The following BICD1 variants were observed in gnomAD, a reference collection of about 807,000 sequenced individuals.
BICD1 encodes BICD cargo adaptor 1.
Under a neutral mutation model 92.5 loss-of-function variants are expected in BICD1, and 35 were observed. The observed-to-expected ratio is 0.38, with a 90% CI of 0.29 to 0.50. The LOEUF (loss-of-function observed/expected upper bound fraction) is 0.50. BICD1 is among the 20% of genes least tolerant of loss of function. BICD1 has a pLI of 0.93. For missense variants in BICD1, 950 were observed against 1,189.8 expected (o/e 0.80, Z 2.97); for synonymous variants, 429 against 465.1 (o/e 0.92, Z 1.00).
chr12:32,136,232 T>C (rs1339375026), intron 1 of BICD1, among the ~76,000 whole-genome samples: 4 of 152,226 alleles, frequency 2.6e-5, no homozygotes, highest in African/African-American at 7.2e-5. Flanking sequence ...TTTTCTTTTT[T>C]GAAGGTAGGG....
At chr12:32,233,279 G>T (rs1483439325) in intron 2 of BICD1, among the ~76,000 whole-genome samples, 1 of 139,956 alleles carries the variant, frequency 7.1e-6, no homozygotes, top group Non-Finnish European at 1.5e-5. Context: ...CTGAGATTGT[G>T]CCATTGCACT....
At chr12:32,325,803 G>A (rs1948761470) in intron 4 of BICD1, among the ~76,000 whole-genome samples, 2 of 152,032 alleles carry the variant, frequency 1.3e-5, no homozygotes, top group African/African-American at 2.4e-5. Flanking sequence ...GGCCAGGCGC[G>A]GTGGCTCACG....
intron 2 of BICD1, among the ~76,000 whole-genome samples, chr12:32,237,712 A>G (rs1253068891): frequency 6.6e-6 from 1 of 152,232 alleles, no homozygotes; most frequent in African/African-American, 2.4e-5. Context: ...AGAGTGGTTT[A>G]TCAAACGTTT....
chr12:32,107,283 T>C lies in BICD1; in HGVS notation c.-49T>C. 1 of 1,482,258 alleles carries C rather than the reference T, an allele frequency of 6.7e-7. No individual in the cohort carries two copies. Among genetic ancestry groups the C allele is most frequent in the Non-Finnish European group, 9.2e-7 (1 of 1,087,194 alleles). The allele number at this position is 1,482,258 out of a possible 1,614,324, so 91.8% of individuals were successfully genotyped here. A position where few individuals can be genotyped will look rare whatever the true frequency, so the allele number is the denominator to read the frequency against. On this transcript the variant is annotated 5_prime_UTR_variant, in exon 1 of 10. Transcript: ENST00000652176. ...TCTCCCTTTCCCCGCCAGCTTCGCATCCATCTCCCCCACCCCGTAACCCCC... is the reference window on the plus strand; with the variant it reads ...TCTCCCTTTCCCCGCCAGCTTCGCACCCATCTCCCCCACCCCGTAACCCCC...
At chr12:32,229,205 T>TGTGCCAC (rs1209681239) in intron 2 of BICD1, among the ~76,000 whole-genome samples, 2 of 152,126 alleles carry the variant, frequency 1.3e-5, no homozygotes, top group Non-Finnish European at 2.9e-5. Flanking sequence ...GAGCCGAGAT[T>TGTGCCAC]GTGCCACTGC....
rs946807894 is a variant in BICD1 at position 32,216,593 on chromosome 12, A to G, written c.426+134A>G. 2.0e-5 allele frequency: 17 copies of G among 854,728 alleles called. No homozygotes were observed. The Admixed American group carries it at 2.4e-4, about 12-fold the overall frequency. The allele number at this position is 854,728 out of a possible 1,614,324, so 52.9% of individuals were successfully genotyped here. A position where few individuals can be genotyped will look rare whatever the true frequency, so the allele number is the denominator to read the frequency against. ...AGCACGAAACTACTAATACTGAGCT[A>G]GCAACTTTTCTTTTTTAGTGAAATG... On this transcript the variant is annotated intron_variant, in intron 2 of 9. Coordinates refer to ENST00000652176, the MANE Select transcript of BICD1 (RefSeq NM_001714.4).
intron 1 of BICD1, among the ~76,000 whole-genome samples, chr12:32,125,462 A>G (rs1942295283): frequency 6.6e-6 from 1 of 152,134 alleles, no homozygotes; most frequent in Non-Finnish European, 1.5e-5. Flanking sequence ...CAGGGTCAAG[A>G]GCACTTAGGA....
At position 32,337,764 on chromosome 12, in the gene BICD1, C is replaced by A. The variant is rs1449375322; in HGVS notation, c.2518C>A (p.Gln840Lys). Reference sequence around the variant, plus strand: ...CATAGACACTTACCTCCTGCATAGTCAGGGCCCACAGACACCCAACATTCG... The same window carrying A: ...CATAGACACTTACCTCCTGCATAGTAAGGGCCCACAGACACCCAACATTCG... ...PTIDTYLLHS[Q>K]GPQTPNIRVS... The change falls in exon 7 of 10, where the codon CAG (glutamine) becomes AAG (lysine). Residue 840 changes from glutamine (Q) to lysine (K), a missense_variant. Gln to Lys is a moderately conservative substitution (Grantham distance 53). Coordinates refer to ENST00000652176, the MANE Select transcript of BICD1 (RefSeq NM_001714.4). This position sits in a 1 kb window ranked among gnomAD's most constrained non-coding sequence, Gnocchi z 4.7. 6.2e-7 allele frequency: 1 copy of A among 1,614,158 alleles called. No individual in the cohort carries two copies. Among genetic ancestry groups the A allele is most frequent in the Non-Finnish European group, 8.5e-7 (1 of 1,180,034 alleles).
chr12:32,193,391 A>G (rs115527854), intron 1 of BICD1, among the ~76,000 whole-genome samples: 1 of 152,366 alleles, frequency 6.6e-6, no homozygotes, highest in African/African-American at 2.4e-5. Context: ...ATTGCACATT[A>G]CTAGACTACA....
Position 32,375,677 on chromosome 12 carries a change from T to C in BICD1, c.2841-1863T>C, listed in dbSNP as rs558998320. On this transcript the variant is annotated intron_variant, in intron 9 of 9. Transcript: ENST00000652176. Reference sequence around the variant, plus strand: ...CTTAACCAGTACAGAACAGCAAAGCTTCTTTTAAACTATATTTACAGCACT... The same window carrying C: ...CTTAACCAGTACAGAACAGCAAAGCCTCTTTTAAACTATATTTACAGCACT... Among the ~76,000 whole-genome samples the C allele has an allele frequency of 3.3e-5, 5 of 152,332 alleles. No homozygotes were observed. The East Asian group carries it at 9.6e-4, about 29-fold the overall frequency.
chr12:32,282,075 T>TG (rs1245501535), intron 2 of BICD1, among the ~76,000 whole-genome samples: 1 of 152,086 alleles, frequency 6.6e-6, no homozygotes, highest in African/African-American at 2.4e-5. Flanking sequence ...CTTAGAAAGC[T>TG]GCTTTTGGAG....
intron 1 of BICD1, among the ~76,000 whole-genome samples, chr12:32,111,801 C>T (rs1941705939): frequency 6.6e-6 from 1 of 151,592 alleles, no homozygotes; most frequent in African/African-American, 2.4e-5. Context: ...TAGAGATGGG[C>T]TTTCACCTTG....
At chr12:32,245,452 G>A (rs1161663927) in intron 2 of BICD1, among the ~76,000 whole-genome samples, 1 of 152,094 alleles carries the variant, frequency 6.6e-6, no homozygotes, top group Non-Finnish European at 1.5e-5. Context: ...CCAGGACTAA[G>A]ATCAAGTGAT....
rs181415801 is a variant in BICD1 at position 32,377,705 on chromosome 12, T to C, written c.*78T>C. 69 of 1,301,064 alleles carry C rather than the reference T, an allele frequency of 5.3e-5. No individual in the cohort carries two copies. The African/African-American group carries it at 9.1e-4, about 17-fold the overall frequency. 80.6% of individuals were successfully genotyped at this position (1,301,064 alleles called of 1,614,324 possible). A position where few individuals can be genotyped will look rare whatever the true frequency, so the allele number is the denominator to read the frequency against. ...AGGATACTGCCCAAGATCCAGCGGG[T>C]GTTTTCTTCTCGGTTGTTAGATGTA... On this transcript the variant is annotated 3_prime_UTR_variant, in exon 10 of 10. Coordinates refer to ENST00000652176, the MANE Select transcript of BICD1 (RefSeq NM_001714.4).
At chr12:32,204,545 G>A (rs1475737423) in intron 1 of BICD1, among the ~76,000 whole-genome samples, 20 of 152,102 alleles carry the variant, frequency 1.3e-4, no homozygotes, top group Admixed American at 1.3e-3. Context: ...CACTGCTGGT[G>A]GCAGTTGAAT....
intron 2 of BICD1, among the ~76,000 whole-genome samples, chr12:32,287,073 A>G (rs60842376): frequency 0.056 from 8,594 of 152,156 alleles, 790 homozygotes; most frequent in African/African-American, 0.2. Context: ...CTGAAATGAG[A>G]CTTAAATAAC....
At chr12:32,108,217 A>G (rs191939478) in intron 1 of BICD1, 40 of 187,544 alleles carry the variant, frequency 2.1e-4, no homozygotes, top group Admixed American at 8.6e-4. Flanking sequence ...CTCACCTACA[A>G]ATAGTCTGAA....
intron 1 of BICD1, among the ~76,000 whole-genome samples, chr12:32,171,572 C>T (rs762291360): frequency 1.9e-4 from 29 of 152,138 alleles, no homozygotes; most frequent in African/African-American, 7.0e-4. Context: ...ATGCCACAGT[C>T]CTGCTATGAC....
At position 32,106,980 on chromosome 12, in the gene BICD1, T is replaced by C; in HGVS notation, c.-352T>C. 3.9e-6 allele frequency: 1 copy of C among 258,196 alleles called. No individual in the cohort carries two copies. The highest frequency in any genetic ancestry group is 7.4e-6 in the Non-Finnish European group (1 of 134,506). 16.0% of individuals were successfully genotyped at this position (258,196 alleles called of 1,614,324 possible). On this transcript the variant is annotated 5_prime_UTR_variant, in exon 1 of 10. It removes the in-frame stop codon of an upstream open reading frame in the 5' UTR. Coordinates refer to ENST00000652176, the MANE Select transcript of BICD1 (RefSeq NM_001714.4). ...GGGAGACATGGCGGACGGGCGTCTC[T>C]GAATAAGCAGAATCCGGAGCCCCTC...
Sources: allele counts gnomAD v4.1 joint callset (sites outside exome capture counted in the v4.1 genomes callset), GRCh38; gene constraint gnomAD v4.1.1; non-coding constraint Gnocchi (gnomAD v3.1); transcripts MANE v1.5; gene names NCBI Gene and HGNC (gene_info 2026-07-23, HGNC 2026-07-21).